Variants in ERC1 observed in about 807,000 individuals in gnomAD.
ERC1 encodes the protein ELKS/RAB6-interacting/CAST family member 1, also known as RAB6 interacting protein 2.
A neutral mutation model predicts 132.0 loss-of-function variants in ERC1; 56 were observed. That is an observed-to-expected ratio of 0.42 (90% CI 0.34 to 0.53). ERC1 has a LOEUF of 0.53. ERC1 is among the 20% of genes least tolerant of loss of function. ERC1 has a pLI of 0.03. For synonymous variants in ERC1, 478 were observed against 476.1 expected, an observed-to-expected ratio of 1.00 and a Z score of -0.05; for missense variants, 1,202 against 1,349.9, an observed-to-expected ratio of 0.89 and a Z score of 1.72.
At chr12:1,254,333 ACTCT>A (rs752238056) in intron 13 of ERC1, among the ~76,000 whole-genome samples, 19 of 151,334 alleles carry the variant, frequency 1.3e-4, no homozygotes, top group Admixed American at 1.1e-3. Context: ...ATGGAATAAA[ACTCT>A]CTCTCTACTT....
intron 8 of ERC1, among the ~76,000 whole-genome samples, chr12:1,154,247 G>A (rs1479946923): frequency 9.3e-6 from 1 of 108,080 alleles, no homozygotes; most frequent in Non-Finnish European, 2.0e-5. Context: ...ATATGTATAT[G>A]TATATGTATA....
chr12:1,451,276 G>T (rs1246496406), intron 18 of ERC1, among the ~76,000 whole-genome samples: 1 of 151,790 alleles, frequency 6.6e-6, no homozygotes, highest in Non-Finnish European at 1.5e-5. Flanking sequence ...TTTTATCTGT[G>T]TATGTCTGAA....
At chr12:1,304,827 CTG>C (rs2080728660) in intron 15 of ERC1, among the ~76,000 whole-genome samples, 1 of 118,134 alleles carries the variant, frequency 8.5e-6, no homozygotes, top group Non-Finnish European at 1.6e-5. Context: ...TCTCGCTCTG[CTG>C]CCCGGGCTGG....
At chr12:1,111,393 G>A (rs914469472) in intron 5 of ERC1, among the ~76,000 whole-genome samples, 2 of 151,966 alleles carry the variant, frequency 1.3e-5, no homozygotes, top group African/African-American at 4.8e-5. Flanking sequence ...TTTCCCAGTT[G>A]TATTCTCCAG....
At chr12:1,281,797 GT>G (rs2078696015) in intron 14 of ERC1, among the ~76,000 whole-genome samples, 1 of 152,118 alleles carries the variant, frequency 6.6e-6, no homozygotes, top group African/African-American at 2.4e-5. Context: ...TTATTTTTTA[GT>G]TTTGATGCTG....
chr12:1,048,692 A>G (rs1971452282), intron 2 of ERC1, among the ~76,000 whole-genome samples: 1 of 152,224 alleles, frequency 6.6e-6, no homozygotes, highest in African/African-American at 2.4e-5. Flanking sequence ...TATTATAAAA[A>G]TTTTTTGGTG....
intron 16 of ERC1, among the ~76,000 whole-genome samples, chr12:1,374,838 T>G (rs541067856): frequency 2.8e-4 from 42 of 151,550 alleles, no homozygotes; most frequent in Admixed American, 2.4e-3. Context: ...TTTTTTTTTT[T>G]TTTTTTTTCT....
At chr12:1,422,324 C>A (rs1436451559) in intron 17 of ERC1, among the ~76,000 whole-genome samples, 1 of 152,114 alleles carries the variant, frequency 6.6e-6, no homozygotes, top group African/African-American at 2.4e-5. Flanking sequence ...ATTTTATATT[C>A]ATTAACCCAC....
At chr12:1,295,135 G>T (rs1340655539) in intron 15 of ERC1, among the ~76,000 whole-genome samples, 1 of 152,192 alleles carries the variant, frequency 6.6e-6, no homozygotes, top group East Asian at 1.9e-4. Context: ...GTTGAAGTTG[G>T]TAAAGCTGAA....
chr12:1,442,586 T>C (rs2093187676), intron 17 of ERC1, among the ~76,000 whole-genome samples: 1 of 152,256 alleles, frequency 6.6e-6, no homozygotes, highest in African/African-American at 2.4e-5. Flanking sequence ...TGTAATATAC[T>C]GTATAGGCCT....
chr12:1,316,644 A>G (rs1356934890), intron 15 of ERC1, among the ~76,000 whole-genome samples: 10 of 152,330 alleles, frequency 6.6e-5, no homozygotes, highest in Non-Finnish European at 1.5e-4. Context: ...GGGAGTGTAA[A>G]TTAGTTCAAC....
intron 8 of ERC1, among the ~76,000 whole-genome samples, chr12:1,142,557 A>G (rs1400875570): frequency 1.3e-5 from 2 of 152,228 alleles, no homozygotes; most frequent in East Asian, 1.9e-4. Context: ...GATTTTGCCA[A>G]GTAACCTTAA....
At chr12:1,442,545 T>C (rs2093186436) in intron 17 of ERC1, among the ~76,000 whole-genome samples, 1 of 152,230 alleles carries the variant, frequency 6.6e-6, no homozygotes, top group East Asian at 1.9e-4. Context: ...ATTAATTTTC[T>C]CTGGTTTGTC....
chr12:1,428,963 C>G (rs2092716749), intron 17 of ERC1, among the ~76,000 whole-genome samples: 1 of 152,176 alleles, frequency 6.6e-6, no homozygotes, highest in Non-Finnish European at 1.5e-5. Flanking sequence ...TGCACTGTAT[C>G]CCTGGCTTCC....
At chr12:1,137,230 C>T (rs2154245020) in intron 7 of ERC1, among the ~76,000 whole-genome samples, 1 of 151,160 alleles carries the variant, frequency 6.6e-6, no homozygotes, top group East Asian at 2.0e-4. Context: ...TCCCGAGTAG[C>T]TGGGATTATA....
At chr12:1,186,258 ACT>A (rs1259374851) in intron 11 of ERC1, among the ~76,000 whole-genome samples, 1 of 152,136 alleles carries the variant, frequency 6.6e-6, no homozygotes, top group African/African-American at 2.4e-5. Context: ...GTTAGTCTTT[ACT>A]CTCTCATTAA....
At chr12:1,174,384 A>C (rs1953449797) in intron 8 of ERC1, among the ~76,000 whole-genome samples, 1 of 152,190 alleles carries the variant, frequency 6.6e-6, no homozygotes, top group Non-Finnish European at 1.5e-5. Flanking sequence ...GAGAATAGCC[A>C]TCCCTTTTCA....
chr12:1,045,029 T>G (rs1172687659), intron 2 of ERC1, among the ~76,000 whole-genome samples: 1 of 152,134 alleles, frequency 6.6e-6, no homozygotes, highest in Admixed American at 6.6e-5. Context: ...GGCCCAAAAC[T>G]CTCCACAAAT....
intron 2 of ERC1, among the ~76,000 whole-genome samples, chr12:1,058,369 C>T (rs1417264979): frequency 3.3e-5 from 5 of 151,988 alleles, no homozygotes; most frequent in East Asian, 1.9e-4. Context: ...TTGACTATTG[C>T]GTTTGGTAAA....
Sources: allele counts gnomAD v4.1 joint callset (sites outside exome capture counted in the v4.1 genomes callset), GRCh38; gene constraint gnomAD v4.1.1; transcripts MANE v1.5; gene names NCBI Gene and HGNC (gene_info 2026-07-23, HGNC 2026-07-21).